NTM: variants seen among roughly 807,000 people sequenced by gnomAD.
The protein encoded by NTM is neurotrimin, also known as IgLON family member 2.
In NTM, 13 loss-of-function variants were observed where a neutral mutation model predicts 42.1. The observed-to-expected ratio is 0.31, with a 90% CI of 0.20 to 0.49. The LOEUF is 0.49. Ranked by LOEUF, NTM falls within the 20% of genes least tolerant of loss-of-function variation. NTM has a pLI of 0.99. For synonymous variants in NTM, 187 were observed against 179.2 expected (o/e 1.04, Z -0.35); for missense variants, 373 against 452.8 (o/e 0.82, Z 1.60).
chr11:131,566,683 C>T (rs573497808), intron 1 of NTM, among the ~76,000 whole-genome samples: 9 of 152,258 alleles, frequency 5.9e-5, no homozygotes, highest in South Asian at 2.1e-4. Context: ...AACTTTAAAC[C>T]GATTAATAAA....
At chr11:131,670,172 A>G (rs935204767) in intron 1 of NTM, among the ~76,000 whole-genome samples, 1 of 152,184 alleles carries the variant, frequency 6.6e-6, no homozygotes, top group African/African-American at 2.4e-5. Flanking sequence ...CCTCACTCCA[A>G]GATAACAGAA....
At chr11:131,540,975 G>A (rs533753371) in intron 1 of NTM, 6 of 152,194 alleles carry the variant, frequency 3.9e-5, no homozygotes, top group African/African-American at 9.7e-5. Flanking sequence ...TCTGTAGTTC[G>A]TTAGTGGCAC....
chr11:131,508,355 G>C (rs200870118), intron 1 of NTM, among the ~76,000 whole-genome samples: 1 of 144,368 alleles, frequency 6.9e-6, no homozygotes, highest in Non-Finnish European at 1.5e-5. Context: ...ACACCAGTTA[G>C]AATGGCAATC....
chr11:131,591,097 C>G (rs2059325383), intron 1 of NTM, among the ~76,000 whole-genome samples: 1 of 152,210 alleles, frequency 6.6e-6, no homozygotes, highest in South Asian at 2.1e-4. Flanking sequence ...AGCACTGATT[C>G]AGCCAGAGCT....
chr11:131,501,293 G>A (rs545127215), intron 1 of NTM, among the ~76,000 whole-genome samples: 1 of 152,288 alleles, frequency 6.6e-6, no homozygotes, highest in South Asian at 2.1e-4. Context: ...GGGGGCTTTG[G>A]CAGAGGAGGC....
At chr11:131,599,241 C>T (rs1346152882) in intron 1 of NTM, among the ~76,000 whole-genome samples, 2 of 138,176 alleles carry the variant, frequency 1.4e-5, no homozygotes, top group Non-Finnish European at 3.2e-5. Flanking sequence ...TGCATCGGCC[C>T]GAGTGTGCCA....
intron 1 of NTM, among the ~76,000 whole-genome samples, chr11:131,752,674 T>C (rs549883900): frequency 6.6e-6 from 1 of 152,146 alleles, no homozygotes; most frequent in East Asian, 1.9e-4. Context: ...ATTAAGAAAA[T>C]GTGGCACATA....
chr11:132,224,985 C>T (rs2085910435), intron 4 of NTM, among the ~76,000 whole-genome samples: 1 of 152,140 alleles, frequency 6.6e-6, no homozygotes, highest in Non-Finnish European at 1.5e-5. Flanking sequence ...TTATTTCTGC[C>T]TGCTGATCCA....
intron 3 of NTM, among the ~76,000 whole-genome samples, chr11:132,196,085 C>T (rs1414933382): frequency 1.3e-5 from 2 of 152,016 alleles, no homozygotes; most frequent in South Asian, 4.1e-4. Flanking sequence ...CTATAACGAA[C>T]TTAATTCAAC....
chr11:131,694,043 C>A (rs530980072), intron 1 of NTM, among the ~76,000 whole-genome samples: 1 of 152,340 alleles, frequency 6.6e-6, no homozygotes, highest in South Asian at 2.1e-4. Context: ...TCACCCACCT[C>A]TCCCCGACTT....
At chr11:131,629,416 C>G (rs2063442692) in intron 1 of NTM, among the ~76,000 whole-genome samples, 1 of 152,168 alleles carries the variant, frequency 6.6e-6, no homozygotes, top group East Asian at 1.9e-4. Context: ...TGCTCAGGCC[C>G]TGGAAGGGTC....
intron 2 of NTM, among the ~76,000 whole-genome samples, chr11:132,112,665 A>T (rs1591592811): frequency 6.6e-6 from 1 of 151,806 alleles, no homozygotes; most frequent in East Asian, 1.9e-4. Context: ...AGAGGGCAAA[A>T]CTTGGACCGA....
intron 1 of NTM, among the ~76,000 whole-genome samples, chr11:131,621,949 G>C (rs1449401746): frequency 6.6e-6 from 1 of 152,172 alleles, no homozygotes. Flanking sequence ...TAGAATCAGG[G>C]GCAAAATGTC....
intron 2 of NTM, among the ~76,000 whole-genome samples, chr11:132,054,394 A>G (rs893156919): frequency 3.3e-5 from 5 of 152,240 alleles, no homozygotes; most frequent in African/African-American, 1.2e-4. Context: ...AGATTTAGCT[A>G]TAATGCCATT....
chr11:131,911,758 T>C, intron 2 of NTM, 110 bp downstream of exon 2: 2 of 1,356,068 alleles, frequency 1.5e-6, no homozygotes, highest in Non-Finnish European at 2.1e-6. Context: ...GAGAGGTCGC[T>C]GGTTCCCTGG....
chr11:131,964,432 C>A (rs11607189), intron 2 of NTM, among the ~76,000 whole-genome samples: 1 of 152,068 alleles, frequency 6.6e-6, no homozygotes, highest in Non-Finnish European at 1.5e-5. Flanking sequence ...GCAAAATAAG[C>A]CAGGGCATAG....
chr11:131,379,477 A>C (rs553989236), intron 1 of NTM, among the ~76,000 whole-genome samples: 1 of 152,320 alleles, frequency 6.6e-6, no homozygotes, highest in Admixed American at 6.5e-5. Context: ...CTTGAGCCAA[A>C]CCTGGGTCTG....
At chr11:131,819,665 C>T (rs184154405) in intron 1 of NTM, among the ~76,000 whole-genome samples, 1 of 152,296 alleles carries the variant, frequency 6.6e-6, no homozygotes, top group Admixed American at 6.5e-5. Flanking sequence ...CCATGAAAGC[C>T]TGCAGCTTGT....
At chr11:132,070,708 T>G (rs560147003) in intron 2 of NTM, among the ~76,000 whole-genome samples, 2,409 of 142,380 alleles carry the variant, frequency 0.017, 104 homozygotes, top group Non-Finnish European at 0.021. Context: ...CATCACAGGT[T>G]AGTTAACACG....
Sources: allele counts gnomAD v4.1 joint callset (sites outside exome capture counted in the v4.1 genomes callset), GRCh38; gene constraint gnomAD v4.1.1; transcripts MANE v1.5; gene names NCBI Gene and HGNC (gene_info 2026-07-23, HGNC 2026-07-21).